PNLIPRP1: variants seen among roughly 807,000 people sequenced by gnomAD.
PNLIPRP1 encodes inactive pancreatic lipase-related protein 1.
Under a neutral mutation model 54.6 loss-of-function variants are expected in PNLIPRP1, and 57 were observed. The ratio of observed to expected loss-of-function variants is 1.04; its 90% CI spans 0.84 to 1.30. PNLIPRP1 has a LOEUF of 1.30. Ranked by LOEUF, PNLIPRP1 falls within the 50% of genes most tolerant of loss-of-function variation. The probability of loss-of-function intolerance (pLI) is 0.00; values close to 1 mark genes in which losing one functional copy is unlikely to be tolerated. For missense variants in PNLIPRP1, 567 were observed against 568.5 expected, an observed-to-expected ratio of 1.00 and a Z score of 0.03; for synonymous variants, 232 against 208.8, an observed-to-expected ratio of 1.11 and a Z score of -0.96.
intron 10 of PNLIPRP1, among the ~76,000 whole-genome samples, chr10:116,601,561 G>A (rs1329404076): frequency 5.3e-5 from 8 of 152,130 alleles, no homozygotes; most frequent in East Asian, 3.9e-4. Flanking sequence ...CAGCAAAGAC[G>A]TAATTGGTAC....
intron 2 of PNLIPRP1, 45 bp downstream of exon 2, chr10:116,591,223 G>C: frequency 6.6e-7 from 1 of 1,512,842 alleles, no homozygotes; most frequent in Non-Finnish European, 9.2e-7. Flanking sequence ...TTAAACTTAA[G>C]CTCTCAGCCC....
intron 12 of PNLIPRP1, among the ~76,000 whole-genome samples, chr10:116,606,450 G>A (rs1015183317): frequency 2.0e-5 from 3 of 152,220 alleles, no homozygotes; most frequent in East Asian, 1.9e-4. Context: ...AGGCTGGGCC[G>A]GGCTGGTCGG....
At chr10:116,596,417 A>ACTGTCC (rs1847737467) in intron 6 of PNLIPRP1, 95 bp downstream of exon 6, 1 of 740,526 alleles carries the variant, frequency 1.4e-6, no homozygotes, top group Admixed American at 2.3e-5. Flanking sequence ...CCTGAAGGAG[A>ACTGTCC]CTGTCCCCCT....
intron 3 of PNLIPRP1, 133 bp from the exon 4 acceptor site, chr10:116,592,283 T>G: frequency 1.1e-6 from 1 of 949,092 alleles, no homozygotes; most frequent in Non-Finnish European, 1.6e-6. Flanking sequence ...GAGATCAGGG[T>G]GGGCTTCATG....
chr10:116,592,019 C>A, intron 3 of PNLIPRP1, 94 bp downstream of exon 3: 1 of 1,308,936 alleles, frequency 7.6e-7, no homozygotes. Context: ...CCCTCTTCCT[C>A]CACCATGCCC....
intron 12 of PNLIPRP1, among the ~76,000 whole-genome samples, chr10:116,606,036 A>G (rs893979103): frequency 3.3e-5 from 5 of 152,222 alleles, no homozygotes; most frequent in African/African-American, 1.2e-4. Flanking sequence ...TTGGGCCTGA[A>G]TAAGCACAGG....
intron 10 of PNLIPRP1, 126 bp downstream of exon 10, chr10:116,601,327 T>C (rs1847835420): frequency 2.3e-6 from 2 of 857,562 alleles, no homozygotes; most frequent in East Asian, 2.6e-5. Flanking sequence ...TGGACACATT[T>C]ACCGAAACTA....
intron 6 of PNLIPRP1, 30 bp downstream of exon 6, chr10:116,596,352 T>G (rs1554863974): frequency 7.2e-7 from 1 of 1,386,154 alleles, no homozygotes; most frequent in South Asian, 1.2e-5. Flanking sequence ...GCCCCAGTTT[T>G]GTCCCCAGAA....
chr10:116,608,962 C>G, intron 12 of PNLIPRP1, 91 bp from the exon 13 acceptor site: 2 of 664,022 alleles, frequency 3.0e-6, no homozygotes, highest in South Asian at 2.0e-5. Flanking sequence ...TAAGAAAAAC[C>G]AAACCAAACC....
At position 116,600,122 on chromosome 10, in the gene PNLIPRP1, G is replaced by A. The variant is rs138586853; in HGVS notation, c.890G>A (p.Gly297Glu). 4 of 1,613,646 alleles carry A rather than the reference G, an allele frequency of 2.5e-6. No homozygotes were observed. The African/African-American group carries it at 5.3e-5, about 22-fold the overall frequency. The change falls in exon 9 of 13, where the codon GGG (glycine) becomes GAG (glutamate). Residue 297 changes from glycine (G) to glutamate (E), a missense_variant. Physicochemically the swap from Gly to Glu is moderately conservative, Grantham distance 98. Coordinates refer to ENST00000358834, the MANE Select transcript of PNLIPRP1 (RefSeq NM_006229.4). ...YYLESILNPD[G>E]FAAYPCTSYK... ...TTGGAAAGCATCCTCAATCCCGATG[G>A]GTTTGCTGCATATCCCTGCACTTCC...
chr10:116,602,796 T>C (rs892025193), intron 10 of PNLIPRP1, among the ~76,000 whole-genome samples: 3 of 152,258 alleles, frequency 2.0e-5, no homozygotes, highest in Admixed American at 1.3e-4. Flanking sequence ...TGTGTTTATA[T>C]ACGTATGTAT....
At chr10:116,594,437 C>T (rs1847698643) in intron 4 of PNLIPRP1, 1 of 523,138 alleles carries the variant, frequency 1.9e-6, no homozygotes, top group Non-Finnish European at 3.6e-6. Context: ...GGACTCTTTT[C>T]ATGATGCAAT....
intron 8 of PNLIPRP1, 32 bp from the exon 9 acceptor site, chr10:116,600,015 A>T: frequency 7.0e-7 from 1 of 1,436,558 alleles, no homozygotes; most frequent in Non-Finnish European, 9.8e-7. Context: ...GCCCCCAACC[A>T]CCTGTTCAGG....
chr10:116,594,825 G>A lies in PNLIPRP1; in HGVS notation c.426G>A (p.Val142=). The change falls in exon 5 of 13, where the codon GTG becomes GTA. Residue 142 remains valine (V), a synonymous_variant. Transcript: ENST00000358834. ...TYTQAANNVR[V]VGAQVAQMLD... ...CACAGGCTGCCAACAACGTGCGAGT[G>A]GTGGGCGCCCAGGTGGCCCAGATGC... 6.2e-7 allele frequency: 1 copy of A among 1,614,160 alleles called. No individual in the cohort carries two copies. The highest frequency in any genetic ancestry group is 8.5e-7 in the Non-Finnish European group (1 of 1,180,034).
At chr10:116,593,874 C>T (rs571019121) in intron 4 of PNLIPRP1, 3 of 151,828 alleles carry the variant, frequency 2.0e-5, no homozygotes, top group Non-Finnish European at 4.2e-5. Flanking sequence ...AGGAGAATTG[C>T]TTAAATTCGG....
At chr10:116,606,356 C>T (rs546328570) in intron 12 of PNLIPRP1, among the ~76,000 whole-genome samples, 11 of 152,082 alleles carry the variant, frequency 7.2e-5, no homozygotes, top group Non-Finnish European at 8.8e-5. Flanking sequence ...CTTATCCCCA[C>T]GAGGCAAGGA....
chr10:116,603,230 G>A (rs537961480), intron 10 of PNLIPRP1, among the ~76,000 whole-genome samples: 5 of 152,160 alleles, frequency 3.3e-5, no homozygotes, highest in Admixed American at 6.5e-5. Context: ...CACAGTCCCC[G>A]CCCTCGAGGT....
At chr10:116,607,825 A>T (rs1315541817) in intron 12 of PNLIPRP1, among the ~76,000 whole-genome samples, 1 of 152,066 alleles carries the variant, frequency 6.6e-6, no homozygotes, top group Non-Finnish European at 1.5e-5. Context: ...CCATCATGGG[A>T]TGTTACGTTC....
chr10:116,600,835 C>T (rs1021537499), intron 9 of PNLIPRP1, among the ~76,000 whole-genome samples: 4 of 152,208 alleles, frequency 2.6e-5, no homozygotes, highest in African/African-American at 9.6e-5. Context: ...ATTGATCTAA[C>T]CTGGGTCCTG....
Sources: allele counts gnomAD v4.1 joint callset (sites outside exome capture counted in the v4.1 genomes callset), GRCh38; gene constraint gnomAD v4.1.1; transcripts MANE v1.5; gene names NCBI Gene and HGNC (gene_info 2026-07-23, HGNC 2026-07-21).